The following ELP4 variants were observed in gnomAD, a reference collection of about 807,000 sequenced individuals.
ELP4 encodes elongator complex protein 4.
Under a neutral mutation model 48.9 loss-of-function variants are expected in ELP4, and 51 were observed. That is an observed-to-expected ratio of 1.04 (90% CI 0.83 to 1.32). The LOEUF is 1.32. Ranked by LOEUF, ELP4 falls within the 40% of genes most tolerant of loss-of-function variation. The pLI is 0.00. For synonymous variants in ELP4, 210 were observed against 189.2 expected (o/e 1.11, Z -0.90); for missense variants, 519 against 514.6 (o/e 1.01, Z -0.08).
At chr11:31,736,368 A>C (rs890330910) in intron 9 of ELP4, among the ~76,000 whole-genome samples, 2 of 152,250 alleles carry the variant, frequency 1.3e-5, no homozygotes, top group Non-Finnish European at 2.9e-5. Flanking sequence ...AAAACCATAA[A>C]AACCCTAGAA....
chr11:31,728,805 A>G (rs181321856), intron 9 of ELP4, among the ~76,000 whole-genome samples: 1 of 152,186 alleles, frequency 6.6e-6, no homozygotes, highest in Non-Finnish European at 1.5e-5. Flanking sequence ...CTTAGTGTTC[A>G]TGTGTACTTT....
chr11:31,576,839 G>A (rs1465698641), intron 3 of ELP4, among the ~76,000 whole-genome samples: 1 of 152,012 alleles, frequency 6.6e-6, no homozygotes, highest in African/African-American at 2.4e-5. Flanking sequence ...AGAGAAAGAA[G>A]GAAAGACCAA....
At chr11:31,665,068 A>G (rs952530036) in intron 9 of ELP4, among the ~76,000 whole-genome samples, 1 of 152,132 alleles carries the variant, frequency 6.6e-6, no homozygotes, top group Non-Finnish European at 1.5e-5. Flanking sequence ...ACTAATAATG[A>G]CTGAGTCTCT....
intron 5 of ELP4, among the ~76,000 whole-genome samples, chr11:31,610,652 C>T (rs1457695292): frequency 6.6e-6 from 1 of 152,146 alleles, no homozygotes; most frequent in Non-Finnish European, 1.5e-5. Context: ...GTGGCTGGGC[C>T]TCATTTTGAC....
intron 2 of ELP4, among the ~76,000 whole-genome samples, chr11:31,536,687 G>A (rs554413485): frequency 2.6e-5 from 4 of 152,270 alleles, no homozygotes; most frequent in African/African-American, 9.6e-5. Flanking sequence ...ATAGTGTTTT[G>A]CATTGCAACT....
chr11:31,608,001 A>G (rs1957905477), intron 5 of ELP4, among the ~76,000 whole-genome samples: 1 of 149,802 alleles, frequency 6.7e-6, no homozygotes, highest in African/African-American at 2.5e-5. Flanking sequence ...GCTGCTAGGG[A>G]GTCTAGTTGG....
intron 2 of ELP4, among the ~76,000 whole-genome samples, chr11:31,525,437 A>G (rs1436017507): frequency 6.6e-6 from 1 of 152,228 alleles, no homozygotes; most frequent in South Asian, 2.1e-4. Flanking sequence ...CAGTACATAT[A>G]TAACATGCCG....
In ELP4 at chr11:31,736,764, A is replaced by G. The variant is rs539686400; in HGVS notation, c.1144-46629A>G. ...CTGGCCATCAGAGAAATGCAAATCA[A>G]AACCACAATGAGATACCATCTCACA... is the stretch of plus-strand genomic sequence containing the variant. On this transcript the variant is annotated intron_variant, in intron 9 of 9. Transcript: ENST00000640961. Among the ~76,000 whole-genome samples, 726 of 152,350 alleles carry G rather than the reference A, an allele frequency of 4.8e-3. 5 individuals carry two copies. The highest frequency in any genetic ancestry group is 0.014 in the South Asian group (67 of 4,830).
intron 9 of ELP4, among the ~76,000 whole-genome samples, chr11:31,735,773 A>T (rs1302339723): frequency 6.6e-6 from 1 of 152,168 alleles, no homozygotes; most frequent in Non-Finnish European, 1.5e-5. Context: ...TACAAGAGAT[A>T]TGAAGGACCT....
chr11:31,515,819 C>T (rs1255200850), intron 1 of ELP4, among the ~76,000 whole-genome samples: 1 of 152,112 alleles, frequency 6.6e-6, no homozygotes, highest in Non-Finnish European at 1.5e-5. Flanking sequence ...GTTAAAAAAT[C>T]TTTACTTCTG....
intron 9 of ELP4, among the ~76,000 whole-genome samples, chr11:31,775,001 G>C (rs1002638687): frequency 2.6e-5 from 4 of 152,056 alleles, no homozygotes; most frequent in African/African-American, 7.3e-5. Context: ...TCCATTTTCT[G>C]GTCCAGGATG....
At chr11:31,668,354 A>C (rs1184750389) in intron 9 of ELP4, among the ~76,000 whole-genome samples, 1 of 152,170 alleles carries the variant, frequency 6.6e-6, no homozygotes. Context: ...AAATTATTAT[A>C]TTCCTCAGAC....
At chr11:31,661,686 A>G (rs950170398) in intron 9 of ELP4, among the ~76,000 whole-genome samples, 1 of 151,806 alleles carries the variant, frequency 6.6e-6, no homozygotes, top group Non-Finnish European at 1.5e-5. Flanking sequence ...AAAAAAACTC[A>G]TTTCAGATTA....
At chr11:31,731,904 T>C (rs1303223917) in intron 9 of ELP4, among the ~76,000 whole-genome samples, 2 of 152,022 alleles carry the variant, frequency 1.3e-5, no homozygotes, top group African/African-American at 2.4e-5. Flanking sequence ...GGATAATATA[T>C]TCAAAGTGCT....
rs566239933 is a variant in ELP4, at chr11:31,717,494, G to A, written c.1144-65899G>A. 3.9e-5 allele frequency among the ~76,000 whole-genome samples: 6 copies of A among 152,218 alleles called. No individual in the cohort carries two copies. In the South Asian group the frequency reaches 8.3e-4, roughly 21 times the overall value. On this transcript the variant is annotated intron_variant, in intron 9 of 9. Coordinates refer to ENST00000640961, the MANE Select transcript of ELP4 (RefSeq NM_019040.5). ...TTTATGGCCAGGCACAATGGCTCAC[G>A]CCTGTAATCCCAGCACTTTGGGAGG...
intron 1 of ELP4, among the ~76,000 whole-genome samples, chr11:31,518,559 G>A (rs1199827103): frequency 6.9e-6 from 1 of 143,950 alleles, no homozygotes; most frequent in Non-Finnish European, 1.5e-5. Context: ...GTGCAGTGGT[G>A]CAATCTCAAC....
chr11:31,524,815 T>C (rs1431083270), intron 2 of ELP4, among the ~76,000 whole-genome samples: 2 of 152,054 alleles, frequency 1.3e-5, no homozygotes, highest in African/African-American at 4.8e-5. Flanking sequence ...AAAACCCTGT[T>C]TCTACAAAAA....
intron 4 of ELP4, 71 bp downstream of exon 4, chr11:31,594,972 G>T (rs1957647589): frequency 1.5e-6 from 2 of 1,301,882 alleles, no homozygotes; most frequent in Non-Finnish European, 2.1e-6. Context: ...ATCTCTTGTG[G>T]TATGCCTATA....
intron 3 of ELP4, among the ~76,000 whole-genome samples, chr11:31,581,531 C>A (rs1345787343): frequency 6.6e-6 from 1 of 151,142 alleles, no homozygotes; most frequent in African/African-American, 2.4e-5. Flanking sequence ...TGATGCCATT[C>A]ATGTTCCTGA....
Sources: allele counts gnomAD v4.1 joint callset (sites outside exome capture counted in the v4.1 genomes callset), GRCh38; gene constraint gnomAD v4.1.1; transcripts MANE v1.5; gene names NCBI Gene and HGNC (gene_info 2026-07-23, HGNC 2026-07-21).